Variants in DLG2 observed in about 807,000 individuals in gnomAD.
The protein encoded by DLG2 is discs large MAGUK scaffold protein 2.
A neutral mutation model predicts 132.5 loss-of-function variants in DLG2; 45 were observed. The observed-to-expected ratio is 0.34, with a 90% CI of 0.27 to 0.44. DLG2 has a LOEUF of 0.44. DLG2 is among the 20% of genes least tolerant of loss of function. The probability of loss-of-function intolerance (pLI) is 1.00; values close to 1 mark genes in which losing one functional copy is unlikely to be tolerated. For synonymous variants in DLG2, 424 were observed against 419.6 expected, an observed-to-expected ratio of 1.01 and a Z score of -0.13; for missense variants, 1,045 against 1,196.9, an observed-to-expected ratio of 0.87 and a Z score of 1.87.
chr11:83,797,512 T>G (rs1226190684), intron 17 of DLG2, among the ~76,000 whole-genome samples: 3 of 151,592 alleles, frequency 2.0e-5, no homozygotes, highest in Admixed American at 6.6e-5. Context: ...TTTTTTTTTT[T>G]GTTTTGTTTT....
chr11:85,335,828 G>A (rs923195029), intron 3 of DLG2, among the ~76,000 whole-genome samples: 3 of 152,036 alleles, frequency 2.0e-5, no homozygotes, highest in African/African-American at 7.2e-5. Context: ...ATAGCATTAG[G>A]AGAAATACCT....
intron 7 of DLG2, among the ~76,000 whole-genome samples, chr11:84,336,076 T>C (rs1481817055): frequency 6.6e-6 from 1 of 152,234 alleles, no homozygotes; most frequent in Non-Finnish European, 1.5e-5. Context: ...ATTTTTCTGA[T>C]TGTGAAATTT....
At chr11:84,916,377 A>AAG (rs1555296821) in intron 6 of DLG2, among the ~76,000 whole-genome samples, 2 of 148,618 alleles carry the variant, frequency 1.3e-5, no homozygotes, top group East Asian at 3.9e-4. Context: ...AAAAAAAAAA[A>AAG]AAGAAGCAGT....
At chr11:84,133,398 A>G (rs2094489543) in intron 9 of DLG2, among the ~76,000 whole-genome samples, 1 of 152,070 alleles carries the variant, frequency 6.6e-6, no homozygotes, top group Non-Finnish European at 1.5e-5. Flanking sequence ...TAGAAGTATC[A>G]TCTCAAAATG....
At chr11:84,927,324 TTTTTG>T (rs1048347381) in intron 6 of DLG2, among the ~76,000 whole-genome samples, 4 of 151,990 alleles carry the variant, frequency 2.6e-5, no homozygotes, top group Non-Finnish European at 5.9e-5. Flanking sequence ...GATACCTTGC[TTTTTG>T]TTTTGTTTTC....
chr11:83,506,568 C>A (rs776638414), intron 21 of DLG2, among the ~76,000 whole-genome samples: 2 of 152,160 alleles, frequency 1.3e-5, no homozygotes, highest in Non-Finnish European at 2.9e-5. Context: ...TCTTGCCTGG[C>A]ACCTGCCTCA....
chr11:84,196,967 G>A (rs1417199630), intron 8 of DLG2, among the ~76,000 whole-genome samples: 5 of 149,250 alleles, frequency 3.4e-5, no homozygotes, highest in African/African-American at 1.2e-4. Flanking sequence ...AACCCAGGAG[G>A]CAGAGGTTGC....
intron 18 of DLG2, among the ~76,000 whole-genome samples, chr11:83,674,774 G>A (rs192953367): frequency 1.1e-3 from 165 of 152,298 alleles, no homozygotes; most frequent in Admixed American, 2.6e-3. Context: ...CTGGATGCAG[G>A]TTTTATGAAC....
At chr11:83,482,022 C>T (rs928883407) in intron 22 of DLG2, among the ~76,000 whole-genome samples, 1 of 152,026 alleles carries the variant, frequency 6.6e-6, no homozygotes, top group Non-Finnish European at 1.5e-5. Flanking sequence ...TCTGGTGGTG[C>T]TTGATGCTGT....
chr11:85,516,869 T>C lies in DLG2; in HGVS notation c.40+81788A>G, dbSNP rs1240036603. Among the ~76,000 whole-genome samples, 3 of 152,076 alleles carry C rather than the reference T, an allele frequency of 2.0e-5. No homozygotes were observed. The East Asian group carries it at 5.8e-4, about 29-fold the overall frequency. On this transcript the variant is annotated intron_variant, in intron 3 of 27. Transcript: ENST00000376104. ...ACAAAAAAAGAAACAGTATCAGTCC[T>C]ACTGAAACTGTTCCAAAAAATTGAG...
intron 17 of DLG2, among the ~76,000 whole-genome samples, chr11:83,792,929 C>T (rs892718617): frequency 1.3e-5 from 2 of 152,218 alleles, no homozygotes; most frequent in Non-Finnish European, 2.9e-5. Flanking sequence ...TTTCAACTTC[C>T]TCACACTCTT....
chr11:84,846,541 C>T (rs1408363654), intron 6 of DLG2, among the ~76,000 whole-genome samples: 3 of 152,140 alleles, frequency 2.0e-5, no homozygotes, highest in Non-Finnish European at 2.9e-5. Flanking sequence ...ACCTGTGATA[C>T]ATCAAAAATG....
At chr11:83,741,050 A>G (rs553684915) in intron 18 of DLG2, among the ~76,000 whole-genome samples, 1 of 152,328 alleles carries the variant, frequency 6.6e-6, no homozygotes, top group African/African-American at 2.4e-5. Flanking sequence ...AAGCAAAAAA[A>G]CATATGATCA....
chr11:83,561,414 A>G (rs1295773743), intron 19 of DLG2, among the ~76,000 whole-genome samples: 3 of 152,188 alleles, frequency 2.0e-5, no homozygotes, highest in Admixed American at 6.5e-5. Context: ...CTACCTGTGC[A>G]TGCTGCATCC....
chr11:84,874,846 C>A (rs909902863), intron 6 of DLG2, among the ~76,000 whole-genome samples: 10 of 151,936 alleles, frequency 6.6e-5, no homozygotes, highest in African/African-American at 2.2e-4. Flanking sequence ...TATGGTGAAA[C>A]CCCGTCTCCA....
chr11:83,955,572 C>A (rs1424665019), intron 14 of DLG2, among the ~76,000 whole-genome samples: 1 of 152,174 alleles, frequency 6.6e-6, no homozygotes, highest in Non-Finnish European at 1.5e-5. Flanking sequence ...CTGGATAATG[C>A]CTTTTTACCA....
chr11:85,120,813 T>C (rs182193732), intron 5 of DLG2, among the ~76,000 whole-genome samples: 3 of 152,216 alleles, frequency 2.0e-5, no homozygotes, highest in African/African-American at 7.2e-5. Context: ...CATAATTAAA[T>C]GGTCTTCGAG....
At chr11:84,823,433 G>C (rs528532395) in intron 6 of DLG2, among the ~76,000 whole-genome samples, 1 of 151,666 alleles carries the variant, frequency 6.6e-6, no homozygotes, top group Non-Finnish European at 1.5e-5. Context: ...ACATACTCCA[G>C]CCTCTAACCT....
chr11:83,625,351 C>A (rs901599116), intron 19 of DLG2, among the ~76,000 whole-genome samples: 2 of 152,168 alleles, frequency 1.3e-5, no homozygotes, highest in Admixed American at 6.5e-5. Context: ...AAGAATCCTG[C>A]CATTCCACAC....
Sources: allele counts gnomAD v4.1 joint callset (sites outside exome capture counted in the v4.1 genomes callset), GRCh38; gene constraint gnomAD v4.1.1; transcripts MANE v1.5; gene names NCBI Gene and HGNC (gene_info 2026-07-23, HGNC 2026-07-21).